Variants in ARHGEF18 observed in about 807,000 individuals in gnomAD.
The protein encoded by ARHGEF18 is Rho/Rac guanine nucleotide exchange factor 18, also known as rho guanine nucleotide exchange factor 18.
Under a neutral mutation model 155.7 loss-of-function variants are expected in ARHGEF18, and 93 were observed. The ratio of observed to expected loss-of-function variants is 0.60; its 90% CI spans 0.50 to 0.71. The LOEUF is 0.71. Ranked by LOEUF, ARHGEF18 falls within the 30% of genes least tolerant of loss-of-function variation. ARHGEF18 has a pLI of 0.00. For synonymous variants in ARHGEF18, 742 were observed against 753.1 expected (o/e 0.99, Z 0.24); for missense variants, 1,593 against 1,816.1 (o/e 0.88, Z 2.23).
At chr19:7,374,354 C>T (rs1392151352) in intron 3 of ARHGEF18, among the ~76,000 whole-genome samples, 4 of 152,042 alleles carry the variant, frequency 2.6e-5, no homozygotes, top group Non-Finnish European at 5.9e-5. Flanking sequence ...TGCAAGTGAC[C>T]GAGCATGCAT....
At chr19:7,477,236 C>G (rs372556304), downstream of ARHGEF18, 2 of 1,543,450 alleles carry the variant, frequency 1.3e-6, no homozygotes, top group Non-Finnish European at 8.7e-7. Flanking sequence ...GCCGCCGGCC[C>G]GGGCCGCCTG....
Position 7,381,691 on chromosome 19 carries a change from T to TAAATAATA in ARHGEF18, c.722+699_722+700insATAATAAA, listed in dbSNP as rs533011251. Among the ~76,000 whole-genome samples the TAAATAATA allele has an allele frequency of 7.4e-3, 1,085 of 146,122 alleles. 15 individuals carry two copies. The highest frequency in any genetic ancestry group is 0.026 in the African/African-American group (1,015 of 38,748). On this transcript the variant is annotated intron_variant, in intron 8 of 28. Transcript: ENST00000668164. The stretch of plus-strand genomic sequence containing the variant: ...AAACTCCGTCTCAAAAATAAATAAA[T>TAAATAATA]AATAAATAAATAAATAAATAAATAA...
intron 13 of ARHGEF18, among the ~76,000 whole-genome samples, chr19:7,443,148 C>G (rs907044748): frequency 1.3e-5 from 2 of 150,682 alleles, no homozygotes; most frequent in Non-Finnish European, 2.9e-5. Context: ...CCTCCACCTC[C>G]CGGGTTCAAG....
chr19:7,476,212 G>A (rs1003186535), downstream of ARHGEF18, among the ~76,000 whole-genome samples: 2 of 152,276 alleles, frequency 1.3e-5, no homozygotes, highest in Non-Finnish European at 2.9e-5. Flanking sequence ...TCAGGAGGCT[G>A]AGGTAGGAGG....
rs950377508 is a variant in ARHGEF18 at position 7,389,748 on chromosome 19, T to C, written c.967+6545T>C. Among the ~76,000 whole-genome samples, 17 of 152,208 alleles carry C rather than the reference T, an allele frequency of 1.1e-4. 1 individual carries two copies. Among genetic ancestry groups the C allele is most frequent in the African/African-American group, 3.4e-4 (14 of 41,558 alleles). ...CAGGGTTTCGCCGTGTTGGCCAGGC[T>C]GGTCTCGAACTCCTGGCCTCAAGCG... On this transcript the variant is annotated intron_variant, in intron 10 of 28. Coordinates refer to ENST00000668164, the MANE Select transcript of ARHGEF18 (RefSeq NM_001367823.1).
Position 7,466,202 on chromosome 19 carries a change from G to A in ARHGEF18, c.2905-716G>A, listed in dbSNP as rs1976594405. ...AATTCGAGACCAGCCTGACCAACAT[G>A]GTGAAACCCCGCCTCTACCAAATAT... On this transcript the variant is annotated intron_variant, in intron 23 of 28. Coordinates refer to ENST00000668164, the MANE Select transcript of ARHGEF18 (RefSeq NM_001367823.1). 3.9e-5 allele frequency among the ~76,000 whole-genome samples: 6 copies of A among 152,058 alleles called. No individual in the cohort carries two copies. The South Asian group carries it at 1.2e-3, about 32-fold the overall frequency.
chr19:7,465,162 G>T (rs1287507959), intron 23 of ARHGEF18, among the ~76,000 whole-genome samples: 3 of 152,182 alleles, frequency 2.0e-5, no homozygotes, highest in African/African-American at 7.2e-5. Context: ...TGTGGCCAGA[G>T]CTGGCACGCA....
intron 27 of ARHGEF18, 150 bp downstream of exon 27, chr19:7,469,281 C>T (rs1248878578): frequency 5.9e-6 from 6 of 1,021,560 alleles, no homozygotes; most frequent in Non-Finnish European, 8.3e-6. Context: ...CTGAGGCCAC[C>T]CCACACAGGG....
intron 10 of ARHGEF18, among the ~76,000 whole-genome samples, chr19:7,413,981 G>A (rs1291107501): frequency 3.3e-5 from 5 of 152,138 alleles, no homozygotes; most frequent in African/African-American, 1.2e-4. Flanking sequence ...CAGCTATAGG[G>A]GTGGCTTTAA....
At chr19:7,437,650 C>CTTTT (rs908927460) in intron 10 of ARHGEF18, among the ~76,000 whole-genome samples, 1 of 140,568 alleles carries the variant, frequency 7.1e-6, no homozygotes, top group Non-Finnish European at 1.6e-5. Flanking sequence ...TTTTTTTTTT[C>CTTTT]TTTTTTTTTG....
At chr19:7,376,804 A>G in intron 5 of ARHGEF18, 47 bp downstream of exon 5, 1 of 1,190,326 alleles carries the variant, frequency 8.4e-7, no homozygotes, top group Non-Finnish European at 1.1e-6. Context: ...TCAGGGAAAG[A>G]GGAGCCTGGC....
At chr19:7,427,181 G>A (rs766859395) in intron 10 of ARHGEF18, among the ~76,000 whole-genome samples, 14 of 152,166 alleles carry the variant, frequency 9.2e-5, no homozygotes, top group Non-Finnish European at 1.9e-4. Context: ...CCAATTCACC[G>A]CAGGCTCCTG....
At chr19:7,432,561 G>A (rs1449733877) in intron 10 of ARHGEF18, among the ~76,000 whole-genome samples, 1 of 152,080 alleles carries the variant, frequency 6.6e-6, no homozygotes, top group Non-Finnish European at 1.5e-5. Flanking sequence ...CTGCAGTCTC[G>A]ACCTGCTGGG....
chr19:7,362,140 AAGG>A lies in ARHGEF18; in HGVS notation c.-110-638_-110-636del, dbSNP rs1260794747. ...GAAGGAGAAGGAGAAGGAGAAGGAG[AAGG>A]AGAAGGAGAAGGAGGAGAAGAAGGA... is the stretch of plus-strand genomic sequence containing the variant. On this transcript the variant is annotated intron_variant, in intron 1 of 28. Coordinates refer to ENST00000668164, the MANE Select transcript of ARHGEF18 (RefSeq NM_001367823.1). 2.7e-4 allele frequency among the ~76,000 whole-genome samples: 10 copies of A among 36,760 alleles called. 1 individual carries two copies. Among genetic ancestry groups the A allele is most frequent in the African/African-American group, 2.3e-3 (10 of 4,298 alleles). 24.1% of individuals were successfully genotyped at this position (36,760 alleles called of 152,430 possible). A position where few individuals can be genotyped will look rare whatever the true frequency, so the allele number is the denominator to read the frequency against.
At chr19:7,459,703 G>C (rs1021790496) in intron 19 of ARHGEF18, among the ~76,000 whole-genome samples, 200 bp from the exon 20 acceptor site, 3 of 152,222 alleles carry the variant, frequency 2.0e-5, no homozygotes, top group African/African-American at 7.2e-5. Flanking sequence ...GCCTCTTCCT[G>C]GTTATGCCCT....
Position 7,458,647 on chromosome 19 carries a change from G to A in ARHGEF18, c.2317G>A (p.Asp773Asn). The change falls in exon 19 of 29, where the codon GAC (aspartate) becomes AAC (asparagine). Residue 773 changes from aspartate to asparagine, a missense_variant. Asp to Asn is a conservative substitution (Grantham distance 23). Transcript: ENST00000668164. ...MYEIYTSSKE[D>N]RNAWMAHIQR... ...TGAAATCTACACGAGCTCCAAAGAG[G>A]ACAGGAACGCCTGGATGGCCCACAT... 6.2e-7 allele frequency: 1 copy of A among 1,614,132 alleles called. No individual in the cohort carries two copies. The highest frequency in any genetic ancestry group is 1.1e-5 in the South Asian group (1 of 91,068).
Position 7,367,758 on chromosome 19 carries a change from A to AAT in ARHGEF18, c.15+4867_15+4868dup, listed in dbSNP as rs200869379. Among the ~76,000 whole-genome samples the AAT allele has an allele frequency of 8.8e-3, 650 of 74,102 alleles. 107 individuals are homozygous for AAT. In the East Asian group the frequency reaches 0.1, roughly 12 times the overall value. 48.6% of individuals were successfully genotyped at this position (74,102 alleles called of 152,430 possible). A position where few individuals can be genotyped will look rare whatever the true frequency, so the allele number is the denominator to read the frequency against. ...TGAAACTCCATCTCAAAAAAAAAAA[A>AAT]ATATATATATATATACACATATATA... On this transcript the variant is annotated intron_variant, in intron 2 of 28. Transcript: ENST00000668164.
At chr19:7,402,352 G>A (rs1234477195) in intron 10 of ARHGEF18, among the ~76,000 whole-genome samples, 1 of 152,180 alleles carries the variant, frequency 6.6e-6, no homozygotes. Context: ...CCCAGAGACG[G>A]AGGTTGCAGT....
chr19:7,475,538 A>C (rs1488553462), downstream of ARHGEF18, among the ~76,000 whole-genome samples: 1 of 151,776 alleles, frequency 6.6e-6, no homozygotes, highest in Admixed American at 6.6e-5. Context: ...ACACACACAC[A>C]CACACAACCA....
Sources: allele counts gnomAD v4.1 joint callset (sites outside exome capture counted in the v4.1 genomes callset), GRCh38; gene constraint gnomAD v4.1.1; transcripts MANE v1.5; gene names NCBI Gene and HGNC (gene_info 2026-07-23, HGNC 2026-07-21).